The following NFIA variants were observed in gnomAD, a reference collection of about 807,000 sequenced individuals.
NFIA encodes nuclear factor I A.
In NFIA, 8 loss-of-function variants were observed where a neutral mutation model predicts 62.8. The observed-to-expected ratio is 0.13, with a 90% CI of 0.07 to 0.23. The LOEUF (loss-of-function observed/expected upper bound fraction) is 0.23, where lower values mean the gene tolerates loss of function less well. Among genes scored for constraint, NFIA ranks in the 10% least tolerant of loss-of-function variants. The pLI is 1.00. For synonymous variants in NFIA, 235 were observed against 238.1 expected, an observed-to-expected ratio of 0.99 and a Z score of 0.12; for missense variants, 410 against 642.1, an observed-to-expected ratio of 0.64 and a Z score of 3.91.
At chr1:61,129,321 G>A (rs1469028479) in intron 2 of NFIA, among the ~76,000 whole-genome samples, 2 of 151,992 alleles carry the variant, frequency 1.3e-5, no homozygotes, top group Non-Finnish European at 2.9e-5. Flanking sequence ...AGTTTATTAT[G>A]TGTATATCAG....
At chr1:61,129,147 C>T (rs527373627) in intron 2 of NFIA, among the ~76,000 whole-genome samples, 2 of 152,054 alleles carry the variant, frequency 1.3e-5, no homozygotes, top group African/African-American at 4.8e-5. Flanking sequence ...TGGTCTTGAT[C>T]TCCTGACCTC....
intron 2 of NFIA, among the ~76,000 whole-genome samples, chr1:61,249,519 A>G (rs553288177): frequency 1.3e-5 from 2 of 152,334 alleles, no homozygotes; most frequent in Non-Finnish European, 2.9e-5. Context: ...CTATAATCCA[A>G]GCACTTTCAG....
intron 3 of NFIA, among the ~76,000 whole-genome samples, chr1:61,289,074 C>T (rs898996221): frequency 6.6e-6 from 1 of 152,138 alleles, no homozygotes; most frequent in African/African-American, 2.4e-5. Context: ...CTGGAGTAAG[C>T]TTCTAAGAAA....
At chr1:61,238,608 GCAAGCTCACAGGGCT>G (rs1655142550) in intron 2 of NFIA, among the ~76,000 whole-genome samples, 1 of 152,166 alleles carries the variant, frequency 6.6e-6, no homozygotes, top group Non-Finnish European at 1.5e-5. Context: ...TAGCTGCAAT[GCAAGCTCACAGGGCT>G]CAAGCCTGAG....
chr1:61,106,864 A>G (rs1215783920), intron 2 of NFIA, among the ~76,000 whole-genome samples: 1 of 151,546 alleles, frequency 6.6e-6, no homozygotes, highest in Non-Finnish European at 1.5e-5. Flanking sequence ...TAAATGGTTT[A>G]TCACTCATAG....
At chr1:61,204,701 T>A (rs1652779479) in intron 2 of NFIA, among the ~76,000 whole-genome samples, 1 of 152,170 alleles carries the variant, frequency 6.6e-6, no homozygotes, top group African/African-American at 2.4e-5. Context: ...TTACTGAAGA[T>A]AGTGAGGCTA....
intron 7 of NFIA, among the ~76,000 whole-genome samples, chr1:61,403,305 G>A (rs1045185046): frequency 6.6e-6 from 1 of 152,182 alleles, no homozygotes; most frequent in Non-Finnish European, 1.5e-5. Flanking sequence ...AGTTCTCTTA[G>A]AGAAGTTATT....
At chr1:61,229,188 C>G (rs1163214618) in intron 2 of NFIA, among the ~76,000 whole-genome samples, 2 of 150,900 alleles carry the variant, frequency 1.3e-5, no homozygotes, top group East Asian at 3.9e-4. Flanking sequence ...TTCTTAATTC[C>G]TCTGTACAAA....
At chr1:61,383,662 G>A (rs1380394841) in intron 7 of NFIA, among the ~76,000 whole-genome samples, 2 of 149,098 alleles carry the variant, frequency 1.3e-5, no homozygotes, top group Admixed American at 6.7e-5. Context: ...TCTACAAGTT[G>A]TGTGTGTGTG....
chr1:61,367,890 C>A (rs145547930), intron 6 of NFIA, among the ~76,000 whole-genome samples: 2 of 151,826 alleles, frequency 1.3e-5, no homozygotes, highest in South Asian at 2.1e-4. Context: ...TAGTACCTGG[C>A]GACTTAGTAG....
rs1653368500 is a variant in NFIA at position 61,213,094 on chromosome 1, AG to A, written c.560-64425del. ...GATCAATTGCAGTGACTGCATCGAA[AG>A]AAAAAGACAAAAATCGGGAAAGTAT... On this transcript the variant is annotated intron_variant, in intron 2 of 10. Coordinates refer to ENST00000403491, the MANE Select transcript of NFIA (RefSeq NM_001134673.4). Among the ~76,000 whole-genome samples the A allele has an allele frequency of 2.6e-5, 4 of 152,226 alleles. No homozygotes were observed. In the South Asian group the frequency reaches 8.3e-4, roughly 32 times the overall value.
intron 10 of NFIA, among the ~76,000 whole-genome samples, chr1:61,435,101 T>G (rs1017966761): frequency 6.6e-6 from 1 of 152,154 alleles, no homozygotes; most frequent in African/African-American, 2.4e-5. Context: ...ATAACAATGC[T>G]TCTGATCAGT....
intron 2 of NFIA, among the ~76,000 whole-genome samples, chr1:61,110,604 G>T (rs1226933972): frequency 6.6e-6 from 1 of 152,026 alleles, no homozygotes; most frequent in African/African-American, 2.4e-5. Context: ...AGGGGAAGTT[G>T]TAATAATTGC....
At chr1:61,243,188 G>A (rs1040767136) in intron 2 of NFIA, among the ~76,000 whole-genome samples, 1 of 152,098 alleles carries the variant, frequency 6.6e-6, no homozygotes, top group African/African-American at 2.4e-5. Context: ...GTATCCTTCA[G>A]CGTAGAAGAT....
intron 3 of NFIA, among the ~76,000 whole-genome samples, chr1:61,314,674 C>T (rs1402631030): frequency 6.6e-6 from 1 of 152,184 alleles, no homozygotes; most frequent in Non-Finnish European, 1.5e-5. Flanking sequence ...GACTTCCTAT[C>T]CATAGGGTTA....
intron 2 of NFIA, among the ~76,000 whole-genome samples, chr1:61,190,210 A>G (rs775879385): frequency 6.6e-6 from 1 of 152,176 alleles, no homozygotes; most frequent in African/African-American, 2.4e-5. Context: ...GGCAGGTGAC[A>G]CTAGAGGCCA....
intron 6 of NFIA, among the ~76,000 whole-genome samples, chr1:61,373,526 A>T (rs1349757376): frequency 6.6e-6 from 1 of 152,136 alleles, no homozygotes; most frequent in Non-Finnish European, 1.5e-5. Context: ...CTCACAGACT[A>T]TGCATCTCTT....
chr1:61,253,068 C>T (rs750648868), intron 2 of NFIA, among the ~76,000 whole-genome samples: 3 of 152,182 alleles, frequency 2.0e-5, no homozygotes, highest in Non-Finnish European at 4.4e-5. Flanking sequence ...TAAAGAAGTT[C>T]AGTCCAGCCA....
intron 2 of NFIA, among the ~76,000 whole-genome samples, chr1:61,203,847 T>C (rs923764603): frequency 6.6e-6 from 1 of 152,188 alleles, no homozygotes. Context: ...AGCCGGCCTT[T>C]GAGTGATAAA....
Sources: gnomAD v4.1 joint callset for allele counts (sites outside exome capture counted in the v4.1 genomes callset) on GRCh38, gnomAD v4.1.1 for gene constraint, MANE v1.5 for transcripts, NCBI Gene and HGNC (gene_info 2026-07-23, HGNC 2026-07-21) for gene names.